The following TMTC2 variants were observed in gnomAD, a reference collection of about 807,000 sequenced individuals.
TMTC2 encodes transmembrane O-mannosyltransferase targeting cadherins 2, also known as protein O-mannosyl-transferase TMTC2.
Under a neutral mutation model 82.4 loss-of-function variants are expected in TMTC2, and 43 were observed. The observed-to-expected ratio is 0.52, with a 90% CI of 0.41 to 0.67. TMTC2 has a LOEUF of 0.67. Ranked by LOEUF, TMTC2 falls within the 30% of genes least tolerant of loss-of-function variation. TMTC2 has a pLI of 0.00. For missense variants in TMTC2, 919 were observed against 1,012.4 expected (o/e 0.91, Z 1.25); for synonymous variants, 408 against 381.9 (o/e 1.07, Z -0.80).
intron 7 of TMTC2, among the ~76,000 whole-genome samples, chr12:82,973,753 T>C (rs1194971938): frequency 2.0e-5 from 3 of 152,238 alleles, no homozygotes; most frequent in East Asian, 3.9e-4. Context: ...CCAGAAGATA[T>C]ATAGCCCCTA....
chr12:82,724,535 GC>G (rs1874358641), intron 1 of TMTC2, among the ~76,000 whole-genome samples: 1 of 152,148 alleles, frequency 6.6e-6, no homozygotes. Flanking sequence ...TGAAGAAGGT[GC>G]TTGCCTCTTC....
At chr12:83,007,949 C>T (rs920002643) in intron 8 of TMTC2, among the ~76,000 whole-genome samples, 1 of 152,106 alleles carries the variant, frequency 6.6e-6, no homozygotes, top group East Asian at 1.9e-4. Flanking sequence ...TTACTCTACT[C>T]TCTTCTTGCT....
intron 1 of TMTC2, among the ~76,000 whole-genome samples, chr12:82,829,657 A>G (rs1057304622): frequency 3.3e-5 from 5 of 152,186 alleles, no homozygotes; most frequent in African/African-American, 1.2e-4. Context: ...TATTACTGTA[A>G]AAAGTTATAT....
At chr12:83,022,530 C>T (rs1264670442) in intron 8 of TMTC2, among the ~76,000 whole-genome samples, 5 of 152,002 alleles carry the variant, frequency 3.3e-5, no homozygotes, top group Non-Finnish European at 5.9e-5. Flanking sequence ...GGCCTGGAAC[C>T]GAGCCTATCA....
intron 1 of TMTC2, among the ~76,000 whole-genome samples, chr12:82,742,071 G>T (rs145047882): frequency 6.6e-6 from 1 of 152,096 alleles, no homozygotes; most frequent in Non-Finnish European, 1.5e-5. Context: ...GGTCCACTGC[G>T]TACCATGTGG....
chr12:83,060,686 G>A (rs139146973), intron 10 of TMTC2, among the ~76,000 whole-genome samples: 2 of 151,502 alleles, frequency 1.3e-5, no homozygotes, highest in African/African-American at 2.4e-5. Context: ...CTCAACCTCC[G>A]CAAGCTTCTT....
At chr12:83,073,494 T>C (rs1883186824) in intron 11 of TMTC2, among the ~76,000 whole-genome samples, 1 of 152,152 alleles carries the variant, frequency 6.6e-6, no homozygotes, top group Non-Finnish European at 1.5e-5. Flanking sequence ...CCAGGTGTTC[T>C]TTGTGTTTCT....
At chr12:82,904,781 T>G (rs944292890) in intron 3 of TMTC2, among the ~76,000 whole-genome samples, 1 of 152,208 alleles carries the variant, frequency 6.6e-6, no homozygotes, top group Non-Finnish European at 1.5e-5. Flanking sequence ...GTTAAATGTG[T>G]GATCACCCTT....
chr12:82,840,015 G>A (rs1052898511), intron 1 of TMTC2, among the ~76,000 whole-genome samples: 4 of 152,136 alleles, frequency 2.6e-5, no homozygotes, highest in African/African-American at 9.7e-5. Context: ...TATGCAAAGA[G>A]GAAAGATAAA....
chr12:82,989,842 TC>T (rs1184265854), intron 8 of TMTC2, among the ~76,000 whole-genome samples: 5 of 151,278 alleles, frequency 3.3e-5, no homozygotes, highest in African/African-American at 4.9e-5. Flanking sequence ...AAATTTTTAA[TC>T]CCCCCCACCA....
chr12:83,012,553 A>G (rs982063052), intron 8 of TMTC2, among the ~76,000 whole-genome samples: 1 of 152,168 alleles, frequency 6.6e-6, no homozygotes, highest in African/African-American at 2.4e-5. Context: ...TTGTCTCAGT[A>G]AAATAACATG....
chr12:82,791,238 A>G (rs1267902339), intron 1 of TMTC2, among the ~76,000 whole-genome samples: 1 of 152,110 alleles, frequency 6.6e-6, no homozygotes, highest in Non-Finnish European at 1.5e-5. Context: ...TTACTGATAT[A>G]GCTGTAGGTC....
chr12:82,880,910 T>A (rs1872788304), intron 2 of TMTC2, among the ~76,000 whole-genome samples: 1 of 152,222 alleles, frequency 6.6e-6, no homozygotes, highest in Admixed American at 6.5e-5. Context: ...ATGGCAATGA[T>A]TAGTGCTAAT....
intron 1 of TMTC2, among the ~76,000 whole-genome samples, chr12:82,721,709 G>A (rs772865110): frequency 2.6e-5 from 4 of 152,050 alleles, no homozygotes; most frequent in South Asian, 2.1e-4. Context: ...AAATATGCAC[G>A]CTATTTAAAT....
intron 1 of TMTC2, among the ~76,000 whole-genome samples, chr12:82,815,348 T>G (rs1006344354): frequency 6.6e-6 from 1 of 150,874 alleles, no homozygotes; most frequent in East Asian, 2.0e-4. Flanking sequence ...TCTTGCTCTG[T>G]CCCCCAGGCT....
rs1885297103 is a variant in TMTC2, at chr12:83,132,584, G to A, written c.*195G>A. ...TGTTAACACCAAAAAGGGGAAAGCCGGAAACCTCCTGGAGGATGTCATTGT... is the reference window on the plus strand; with the variant it reads ...TGTTAACACCAAAAAGGGGAAAGCCAGAAACCTCCTGGAGGATGTCATTGT... On this transcript the variant is annotated 3_prime_UTR_variant, in exon 12 of 12. Coordinates refer to ENST00000321196, the MANE Select transcript of TMTC2 (RefSeq NM_152588.3). 6 of 587,552 alleles carry A rather than the reference G, an allele frequency of 1.0e-5. No individual in the cohort carries two copies. Among genetic ancestry groups the A allele is most frequent in the South Asian group, 2.5e-5 (1 of 40,138 alleles). The allele number at this position is 587,552 out of a possible 1,614,324, so 36.4% of individuals were successfully genotyped here.
intron 2 of TMTC2, among the ~76,000 whole-genome samples, chr12:82,870,351 A>T (rs1217140912): frequency 6.6e-6 from 1 of 152,216 alleles, no homozygotes; most frequent in Non-Finnish European, 1.5e-5. Flanking sequence ...TGCAAATAAC[A>T]CAAGCTTAAC....
At chr12:82,991,084 ATC>A (rs1253084457) in intron 8 of TMTC2, among the ~76,000 whole-genome samples, 2 of 152,172 alleles carry the variant, frequency 1.3e-5, no homozygotes, top group Non-Finnish European at 2.9e-5. Context: ...AGGGAGTATT[ATC>A]CCCTTTTTAT....
chr12:82,985,839 A>G (rs954512478), intron 7 of TMTC2, 86 bp from the exon 8 acceptor site: 3 of 1,022,258 alleles, frequency 2.9e-6, no homozygotes, highest in East Asian at 3.4e-5. Context: ...TCCACGCAGT[A>G]TGATGATGAT....
Sources: allele counts gnomAD v4.1 joint callset (sites outside exome capture counted in the v4.1 genomes callset), GRCh38; gene constraint gnomAD v4.1.1; transcripts MANE v1.5; gene names NCBI Gene and HGNC (gene_info 2026-07-23, HGNC 2026-07-21).